AP3S1: variants seen among roughly 807,000 people sequenced by gnomAD.
AP3S1 encodes the protein adaptor related protein complex 3 subunit sigma 1.
A neutral mutation model predicts 21.3 loss-of-function variants in AP3S1; 12 were observed. The observed-to-expected ratio is 0.56, with a 90% CI of 0.36 to 0.91. The LOEUF is 0.91. AP3S1 is among the 40% of genes least tolerant of loss of function. AP3S1 has a pLI of 0.01. For synonymous variants in AP3S1, 48 were observed against 78.4 expected, an observed-to-expected ratio of 0.61 and a Z score of 2.05; for missense variants, 116 against 225.0, an observed-to-expected ratio of 0.52 and a Z score of 3.10.
intron 1 of AP3S1, among the ~76,000 whole-genome samples, chr5:115,862,228 T>C (rs2112813727): frequency 6.6e-6 from 1 of 152,300 alleles, no homozygotes; most frequent in East Asian, 1.9e-4. Context: ...AAGGGTCTAC[T>C]TACACACAGC....
intron 1 of AP3S1, among the ~76,000 whole-genome samples, chr5:115,861,865 CTTT>C (rs113923492): frequency 9.0e-6 from 1 of 110,616 alleles, no homozygotes; most frequent in Admixed American, 1.1e-4. Context: ...CTTTTCTTTT[CTTT>C]TTTTTTTTTT....
chr5:115,870,477 G>C (rs1318549583), intron 3 of AP3S1, among the ~76,000 whole-genome samples: 1 of 152,184 alleles, frequency 6.6e-6, no homozygotes, highest in Non-Finnish European at 1.5e-5. Context: ...CTCAAGGTCA[G>C]TCATCAGCAA....
intron 3 of AP3S1, among the ~76,000 whole-genome samples, chr5:115,887,477 A>T (rs1366450513): frequency 1.3e-5 from 2 of 151,952 alleles, no homozygotes; most frequent in African/African-American, 4.8e-5. Context: ...TTAGAAACTC[A>T]AAAAGGGGTC....
Position 115,910,244 on chromosome 5 carries a change from A to G in AP3S1, c.454-3118A>G, listed in dbSNP as rs571507805. Among the ~76,000 whole-genome samples the G allele has an allele frequency of 2.7e-5, 4 of 149,156 alleles. No homozygotes were observed. In the South Asian group the frequency reaches 8.5e-4, roughly 32 times the overall value. On this transcript the variant is annotated intron_variant, in intron 5 of 5. Transcript: ENST00000316788. ...TGCATCACTCACTCCACTGTGGGTG[A>G]CAGAGTGAGACCCTGTCTCTTAAAA... is the stretch of plus-strand genomic sequence containing the variant.
rs148036322 is a variant in AP3S1, at chr5:115,887,089, G to T, written c.274-7998G>T. On this transcript the variant is annotated intron_variant, in intron 3 of 5. Transcript: ENST00000316788. ...TAGTACATGCAGTGGGTACCTATTG[G>T]AGAGTGTACCTAGGCTACATTCATA... Among the ~76,000 whole-genome samples the T allele has an allele frequency of 6.0e-4, 91 of 152,230 alleles. No individual in the cohort carries two copies. The East Asian group carries it at 9.3e-3, about 16-fold the overall frequency.
At chr5:115,860,987 A>G (rs187546622) in intron 1 of AP3S1, among the ~76,000 whole-genome samples, 8 of 152,298 alleles carry the variant, frequency 5.3e-5, no homozygotes, top group South Asian at 2.1e-4. Context: ...TATTTATTCA[A>G]TACGCTTTTA....
At chr5:115,846,825 G>A (rs1466542513) in intron 1 of AP3S1, among the ~76,000 whole-genome samples, 1 of 152,038 alleles carries the variant, frequency 6.6e-6, no homozygotes, top group Non-Finnish European at 1.5e-5. Context: ...AATTCCATAC[G>A]ATTTGGTTTC....
At chr5:115,874,935 C>G (rs1048349011) in intron 3 of AP3S1, among the ~76,000 whole-genome samples, 5 of 152,056 alleles carry the variant, frequency 3.3e-5, no homozygotes, top group Admixed American at 1.3e-4. Flanking sequence ...TTGACCCTAA[C>G]TTTCCTCATC....
chr5:115,864,450 G>A (rs1763452489), intron 1 of AP3S1, among the ~76,000 whole-genome samples: 1 of 152,050 alleles, frequency 6.6e-6, no homozygotes, highest in Non-Finnish European at 1.5e-5. Context: ...GGACCTTTAG[G>A]GCTCATTACA....
intron 5 of AP3S1, among the ~76,000 whole-genome samples, chr5:115,908,634 G>A (rs995579229): frequency 7.2e-5 from 11 of 152,102 alleles, no homozygotes; most frequent in African/African-American, 1.9e-4. Context: ...AAGATAATCC[G>A]TACAAAATGA....
chr5:115,881,107 G>C (rs903050712), intron 3 of AP3S1, among the ~76,000 whole-genome samples: 3 of 152,072 alleles, frequency 2.0e-5, no homozygotes, highest in South Asian at 2.1e-4. Flanking sequence ...GCACGTGAAG[G>C]GGTCTTCTGA....
At chr5:115,845,547 G>C (rs1323334793) in intron 1 of AP3S1, among the ~76,000 whole-genome samples, 1 of 152,058 alleles carries the variant, frequency 6.6e-6, no homozygotes, top group Non-Finnish European at 1.5e-5. Context: ...ACGAATTCAA[G>C]TGTGGGCTGG....
intron 1 of AP3S1, among the ~76,000 whole-genome samples, chr5:115,861,392 A>G (rs756541954): frequency 6.6e-6 from 1 of 152,198 alleles, no homozygotes; most frequent in Non-Finnish European, 1.5e-5. Flanking sequence ...AGAACGTTTT[A>G]TGGCATGGTA....
chr5:115,869,322 T>A (rs1212495103), intron 2 of AP3S1, among the ~76,000 whole-genome samples: 1 of 152,158 alleles, frequency 6.6e-6, no homozygotes, highest in Non-Finnish European at 1.5e-5. Context: ...TTAAGAAGTG[T>A]CATTCTTCTT....
chr5:115,851,867 CT>C (rs1762461523), intron 1 of AP3S1, among the ~76,000 whole-genome samples: 1 of 151,890 alleles, frequency 6.6e-6, no homozygotes, highest in African/African-American at 2.4e-5. Context: ...CTGGTGCTTG[CT>C]TTTGGTATCA....
intron 1 of AP3S1, among the ~76,000 whole-genome samples, chr5:115,859,675 T>C (rs1477577217): frequency 2.0e-5 from 3 of 152,232 alleles, no homozygotes; most frequent in Admixed American, 6.5e-5. Context: ...GGTGAAATTG[T>C]GTGCCCTGGA....
chr5:115,849,093 A>C (rs1233017890), intron 1 of AP3S1, among the ~76,000 whole-genome samples: 1 of 152,106 alleles, frequency 6.6e-6, no homozygotes, highest in Non-Finnish European at 1.5e-5. Flanking sequence ...TATTCTTTCA[A>C]GTATTTATTT....
chr5:115,848,427 G>C lies in AP3S1; in HGVS notation c.69+6321G>C, dbSNP rs1762215260. Among the ~76,000 whole-genome samples the C allele has an allele frequency of 2.0e-5, 3 of 152,256 alleles. No homozygotes were observed. The South Asian group carries it at 6.2e-4, about 32-fold the overall frequency. ...AGATAACTGAATATGTTAATGTTCA[G>C]CCACTCTCTTGTTAAAATTTAAAAA... On this transcript the variant is annotated intron_variant, in intron 1 of 5. Coordinates refer to ENST00000316788, the MANE Select transcript of AP3S1 (RefSeq NM_001284.4).
At position 115,879,753 on chromosome 5, in the gene AP3S1, T is replaced by C. The variant is rs1749102433; in HGVS notation, c.273+9625T>C. 2.6e-5 allele frequency among the ~76,000 whole-genome samples: 4 copies of C among 152,174 alleles called. No individual in the cohort carries two copies. The South Asian group carries it at 8.3e-4, about 31-fold the overall frequency. ...TAGGGAGGAGACTCTCTTTTTCCAT[T>C]GATCGGAGTAGTTTCAGAAGGAATG... On this transcript the variant is annotated intron_variant, in intron 3 of 5. Coordinates refer to ENST00000316788, the MANE Select transcript of AP3S1 (RefSeq NM_001284.4).
Sources: allele counts gnomAD v4.1 joint callset (sites outside exome capture counted in the v4.1 genomes callset), GRCh38; gene constraint gnomAD v4.1.1; transcripts MANE v1.5; gene names NCBI Gene and HGNC (gene_info 2026-07-23, HGNC 2026-07-21).